RUFY2: variants seen among roughly 807,000 people sequenced by gnomAD.
The protein encoded by RUFY2 is RUN and FYVE domain containing 2, also known as RUN and FYVE domain-containing protein 2.
A neutral mutation model predicts 94.4 loss-of-function variants in RUFY2; 49 were observed. That is an observed-to-expected ratio of 0.52 (90% confidence interval 0.41 to 0.66). The LOEUF (loss-of-function observed/expected upper bound fraction) is 0.66. Ranked by LOEUF, RUFY2 falls within the 30% of genes least tolerant of loss-of-function variation. RUFY2 has a pLI of 0.00. For synonymous variants in RUFY2, 255 were observed against 235.7 expected (o/e 1.08, Z -0.75); for missense variants, 541 against 692.8 (o/e 0.78, Z 2.46).
At chr10:68,363,833 C>A in intron 14 of RUFY2, 149 bp from the exon 15 acceptor site, 1 of 820,270 alleles carries the variant, frequency 1.2e-6, no homozygotes, top group South Asian at 2.0e-5. Context: ...GCTGCTGTAT[C>A]AACTATTTTC....
chr10:68,363,676 A>G lies in RUFY2; in HGVS notation c.1464T>C (p.Leu488=), dbSNP rs967926543. 26 of 1,588,512 alleles carry G rather than the reference A, an allele frequency of 1.6e-5. No individual in the cohort carries two copies. In the East Asian group the frequency reaches 5.6e-4, roughly 34 times the overall value. Residue 488 remains leucine (L), a synonymous_variant, in exon 15 of 18, where the codon CTT becomes CTC. Coordinates refer to ENST00000602465, the MANE Select transcript of RUFY2 (RefSeq NM_001330103.2). ...QQIISLKKEF[L]NLQDENQQLK... is the part of the protein sequence containing the mutation. Reference sequence around the variant, plus strand: ...ACTGCTGATTTTCATCCTGGAGGTTAAGGAACTCCTTCAGAACAATAAAAG... The same window carrying G: ...ACTGCTGATTTTCATCCTGGAGGTTGAGGAACTCCTTCAGAACAATAAAAG...
Position 68,343,754 on chromosome 10 carries a change from A to AGTT in RUFY2, c.*2011_*2013dup, listed in dbSNP as rs1175936423. ...TAACAGAAAAATCCAAAGTTAGTAT[A>AGTT]GTTTTTAAATAAGCCAAAACTACAT... On this transcript the variant is annotated 3_prime_UTR_variant, in exon 18 of 18. Coordinates refer to ENST00000602465, the MANE Select transcript of RUFY2 (RefSeq NM_001330103.2). The AGTT allele has an allele frequency of 6.7e-6, 1 of 148,550 alleles. No individual in the cohort carries two copies. The highest frequency in any genetic ancestry group is 6.7e-5 in the Admixed American group (1 of 14,818). 9.2% of individuals were successfully genotyped at this position (148,550 alleles called of 1,614,324 possible). A position where few individuals can be genotyped will look rare whatever the true frequency, so the allele number is the denominator to read the frequency against.
At chr10:68,380,726 T>C (rs1178512990) in intron 11 of RUFY2, among the ~76,000 whole-genome samples, 3 of 151,762 alleles carry the variant, frequency 2.0e-5, no homozygotes, top group African/African-American at 7.3e-5. Flanking sequence ...GCCGGGCGTA[T>C]TGGTATATGC....
intron 16 of RUFY2, among the ~76,000 whole-genome samples, chr10:68,348,169 T>C (rs967393353): frequency 1.3e-5 from 2 of 151,370 alleles, no homozygotes; most frequent in Non-Finnish European, 2.9e-5. Flanking sequence ...AAGAGTCAGA[T>C]AGCTTGAATC....
chr10:68,407,207 G>C lies in RUFY2; in HGVS notation c.-18C>G. The C allele has an allele frequency of 2.1e-6, 3 of 1,406,378 alleles. No individual in the cohort carries two copies. The highest frequency in any genetic ancestry group is 3.1e-5 in the African/African-American group (2 of 65,476). The allele number at this position is 1,406,378 out of a possible 1,614,324, so 87.1% of individuals were successfully genotyped here. On this transcript the variant is annotated 5_prime_UTR_variant, in exon 1 of 18. Transcript: ENST00000602465. Reference sequence around the variant, plus strand: ...TTACCCATGGCGGCGGCGGCTGCGCGGTCTCGGGCGGAGGCTCCCTCGGCC... The same window carrying C: ...TTACCCATGGCGGCGGCGGCTGCGCCGTCTCGGGCGGAGGCTCCCTCGGCC...
At chr10:68,386,274 T>A (rs2049487921) in intron 7 of RUFY2, 146 bp from the exon 8 acceptor site, 1 of 568,418 alleles carries the variant, frequency 1.8e-6, no homozygotes, top group Non-Finnish European at 3.1e-6. Flanking sequence ...TTCATTAACT[T>A]GGATAACTTG....
chr10:68,373,845 G>A (rs1296773413), intron 13 of RUFY2, among the ~76,000 whole-genome samples: 1 of 152,080 alleles, frequency 6.6e-6, no homozygotes, highest in Non-Finnish European at 1.5e-5. Context: ...TGGGAGCAGT[G>A]GCTCATGCCT....
chr10:68,366,754 ATATAT>A (rs2047855345), intron 13 of RUFY2, among the ~76,000 whole-genome samples: 1 of 139,866 alleles, frequency 7.1e-6, no homozygotes, highest in Admixed American at 8.0e-5. Context: ...ATATATATAT[ATATAT>A]AATATTAAAT....
In RUFY2 at chr10:68,345,421, C is replaced by T. The variant is rs3781567; in HGVS notation, c.*347G>A. ...GAAGCTTTAAAGTGCATTAAGAGAA[C>T]TGCAGGCACCATCAAATACCAAATT... On this transcript the variant is annotated 3_prime_UTR_variant, in exon 18 of 18. Transcript: ENST00000602465. 0.15 allele frequency: 60,124 copies of T among 399,844 alleles called. 6,079 individuals carry two copies. Among genetic ancestry groups the T allele is most frequent in the African/African-American group, 0.36 (17,361 of 48,610 alleles). The allele number at this position is 399,844 out of a possible 1,614,324, so 24.8% of individuals were successfully genotyped here.
At position 68,376,971 on chromosome 10, in the gene RUFY2, A is replaced by G; in HGVS notation, c.1207T>C (p.Leu403=). The G allele has an allele frequency of 6.2e-7, 1 of 1,613,342 alleles. No individual in the cohort carries two copies. Among genetic ancestry groups the G allele is most frequent in the Middle Eastern group, 1.7e-4 (1 of 6,058 alleles). The part of the protein sequence containing the change: ...TAAMRQLEQR[L]QQAEKAQMEA... ...ATTTGCGCCTTCTCTGCTTGCTGCA[A>G]TCTGGTGTAATTCAAATCAACTTTG... The change falls in exon 13 of 18, where the codon TTG becomes CTG. Residue 403 remains leucine, a splice_region_variant and synonymous_variant. Transcript: ENST00000602465.
chr10:68,362,250 C>G (rs2047506518), intron 15 of RUFY2, among the ~76,000 whole-genome samples: 1 of 152,104 alleles, frequency 6.6e-6, no homozygotes, highest in Admixed American at 6.6e-5. Flanking sequence ...ATAGCGTGAG[C>G]CTGAGAGATC....
rs370688783 is a variant in RUFY2 at position 68,373,033 on chromosome 10, G to T, written c.1325+3820C>A. Reference sequence around the variant, plus strand: ...ATTTAAACATTAAATTCTGTTTATGGTTGCACATATTACAACATTGTCTAA... The same window carrying T: ...ATTTAAACATTAAATTCTGTTTATGTTTGCACATATTACAACATTGTCTAA... On this transcript the variant is annotated intron_variant, in intron 13 of 17. Coordinates refer to ENST00000602465, the MANE Select transcript of RUFY2 (RefSeq NM_001330103.2). Among the ~76,000 whole-genome samples, 5 of 152,202 alleles carry T rather than the reference G, an allele frequency of 3.3e-5. No homozygotes were observed. In the South Asian group the frequency reaches 8.3e-4, roughly 25 times the overall value.
At chr10:68,375,575 C>A (rs1026874902) in intron 13 of RUFY2, among the ~76,000 whole-genome samples, 1 of 151,348 alleles carries the variant, frequency 6.6e-6, no homozygotes, top group Non-Finnish European at 1.5e-5. Flanking sequence ...GAGATCAAGA[C>A]CATCCTGGCT....
rs758709452 is a variant in RUFY2, at chr10:68,376,946, A to C, written c.1232T>G (p.Met411Arg). Residue 411 changes from methionine (M) to arginine (R), a missense_variant, in exon 13 of 18, where the codon ATG (methionine) becomes AGG (arginine). Physicochemically the swap from Met to Arg is moderately conservative, Grantham distance 91. Coordinates refer to ENST00000602465, the MANE Select transcript of RUFY2 (RefSeq NM_001330103.2). ...QRLQQAEKAQ[M>R]EAEDEDEKYL... ...TTTCTCATCCTCATCTTCAGCTTCCATTTGCGCCTTCTCTGCTTGCTGCAA... is the reference window on the plus strand; with the variant it reads ...TTTCTCATCCTCATCTTCAGCTTCCCTTTGCGCCTTCTCTGCTTGCTGCAA... 16 of 1,613,498 alleles carry C rather than the reference A, an allele frequency of 9.9e-6. No homozygotes were observed. In the East Asian group the frequency reaches 3.6e-4, roughly 36 times the overall value.
Position 68,343,844 on chromosome 10 carries a change from CAG to C in RUFY2, c.*1922_*1923del, listed in dbSNP as rs1737881929. 1.5e-5 allele frequency: 2 copies of C among 136,644 alleles called. No homozygotes were observed. Among genetic ancestry groups the C allele is most frequent in the Admixed American group, 7.5e-5 (1 of 13,412 alleles). 8.5% of individuals were successfully genotyped at this position (136,644 alleles called of 1,614,324 possible). ...AAAAAAAAAAAAAAAGCAAGTCAGT[CAG>C]TGTTGATACATGAGTTTTGAAAAGT... On this transcript the variant is annotated 3_prime_UTR_variant, in exon 18 of 18. Transcript: ENST00000602465.
Position 68,359,409 on chromosome 10 carries a change from A to T in RUFY2, c.1551-4008T>A, listed in dbSNP as rs184249556. Among the ~76,000 whole-genome samples the T allele has an allele frequency of 5.9e-4, 52 of 88,106 alleles. No individual in the cohort carries two copies. The South Asian group carries it at 6.3e-3, about 11-fold the overall frequency. 57.8% of individuals were successfully genotyped at this position (88,106 alleles called of 152,430 possible). Reference sequence around the variant, plus strand: ...ATATATACGTATATATACATATATAAATATGTGTGTATTGCGTGTATATAT... The same window carrying T: ...ATATATACGTATATATACATATATATATATGTGTGTATTGCGTGTATATAT... On this transcript the variant is annotated intron_variant, in intron 15 of 17. Coordinates refer to ENST00000602465, the MANE Select transcript of RUFY2 (RefSeq NM_001330103.2).
chr10:68,365,044 T>TCAA (rs2132503404), intron 13 of RUFY2, among the ~76,000 whole-genome samples: 1 of 152,252 alleles, frequency 6.6e-6, no homozygotes, highest in South Asian at 2.1e-4. Context: ...TGCAACATTA[T>TCAA]AATGTTGAGT....
chr10:68,360,416 G>T (rs1476010867), intron 15 of RUFY2, among the ~76,000 whole-genome samples: 1 of 151,844 alleles, frequency 6.6e-6, no homozygotes, highest in Non-Finnish European at 1.5e-5. Context: ...GGGCAACACA[G>T]TGAGACTCTG....
At chr10:68,399,875 G>T (rs1467112035) in intron 3 of RUFY2, among the ~76,000 whole-genome samples, 1 of 151,870 alleles carries the variant, frequency 6.6e-6, no homozygotes, top group South Asian at 2.1e-4. Context: ...TCTGCCTCCC[G>T]GGTTCAAGCA....
Sources: allele counts gnomAD v4.1 joint callset (sites outside exome capture counted in the v4.1 genomes callset), GRCh38; gene constraint gnomAD v4.1.1; transcripts MANE v1.5; gene names NCBI Gene and HGNC (gene_info 2026-07-23, HGNC 2026-07-21).